Variants in REELD1 observed in about 807,000 individuals in gnomAD.
The protein encoded by REELD1 is reelin domain-containing protein 1.
REELD1 carries 12 observed loss-of-function variants against 6.3 expected under a neutral mutation model. The observed-to-expected ratio is 1.89, with a 90% CI of 1.21 to 3.07. The LOEUF is 3.07. REELD1 is among the 30% of genes most tolerant of loss of function. The pLI is 0.00. For missense variants in REELD1, 163 were observed against 86.8 expected (o/e 1.88, Z -3.49); for synonymous variants, 57 against 33.6 (o/e 1.70, Z -2.42).
At chr4:146,221,340 A>G (rs1384543249) in intron 3 of REELD1, among the ~76,000 whole-genome samples, 2 of 152,186 alleles carry the variant, frequency 1.3e-5, no homozygotes, top group Non-Finnish European at 2.9e-5. Flanking sequence ...CTATGTTTTC[A>G]GGGCTAACTG....
intron 3 of REELD1, among the ~76,000 whole-genome samples, chr4:146,217,966 A>G (rs1474244006): frequency 6.6e-6 from 1 of 152,244 alleles, no homozygotes; most frequent in Non-Finnish European, 1.5e-5. Context: ...TGAAAAAATC[A>G]TTTCCTGTTC....
rs1282685042 is a variant in REELD1, at chr4:146,230,610, G to T, written c.*97G>T. Reference sequence around the variant, plus strand: ...AATGAGAATAACTGATGAAGACAGGGACTCATTGTGCCTCTGTCAATGTGC... The same window carrying T: ...AATGAGAATAACTGATGAAGACAGGTACTCATTGTGCCTCTGTCAATGTGC... On this transcript the variant is annotated 3_prime_UTR_variant, in exon 8 of 8. Transcript: ENST00000623665. The T allele has an allele frequency of 5.0e-6, 2 of 397,406 alleles. No individual in the cohort carries two copies. The highest frequency in any genetic ancestry group is 8.9e-6 in the Non-Finnish European group (2 of 225,916). The allele number at this position is 397,406 out of a possible 1,614,324, so 24.6% of individuals were successfully genotyped here.
intron 3 of REELD1, among the ~76,000 whole-genome samples, chr4:146,221,066 A>G (rs1730914605): frequency 6.6e-6 from 1 of 152,224 alleles, no homozygotes; most frequent in Non-Finnish European, 1.5e-5. Flanking sequence ...TTATAAACAT[A>G]TATCATAAAC....
intron 4 of REELD1, among the ~76,000 whole-genome samples, chr4:146,223,942 G>A (rs978899799): frequency 1.3e-5 from 2 of 152,216 alleles, no homozygotes; most frequent in Non-Finnish European, 2.9e-5. Flanking sequence ...TTGTGAATGT[G>A]ATTTTTACTG....
intron 3 of REELD1, among the ~76,000 whole-genome samples, chr4:146,221,487 G>A (rs1578698279): frequency 6.6e-6 from 1 of 152,172 alleles, no homozygotes; most frequent in East Asian, 1.9e-4. Flanking sequence ...GTCTTATCAA[G>A]ACTGCTTACA....
Position 146,231,684 on chromosome 4 carries a change from A to G in REELD1, c.*1171A>G, listed in dbSNP as rs1731134046. Among the ~76,000 whole-genome samples, 1 of 152,246 alleles carries G rather than the reference A, an allele frequency of 6.6e-6. No individual in the cohort carries two copies. Among genetic ancestry groups the G allele is most frequent in the Non-Finnish European group, 1.5e-5 (1 of 68,054 alleles). On this transcript the variant is annotated 3_prime_UTR_variant, in exon 8 of 8. Transcript: ENST00000623665. ...GGGAACTGTGCTAAGTAGTTTGCGTATATCTTCACATTTAACTCTCACAAA... is the reference window on the plus strand; with the variant it reads ...GGGAACTGTGCTAAGTAGTTTGCGTGTATCTTCACATTTAACTCTCACAAA...
rs560035766 is a variant in REELD1 at position 146,222,438 on chromosome 4, T to C, written c.290T>C (p.Phe97Ser). The C allele has an allele frequency of 2.5e-6, 1 of 398,662 alleles. No homozygotes were observed. The highest frequency in any genetic ancestry group is 2.1e-5 in the African/African-American group (1 of 48,762). 24.7% of individuals were successfully genotyped at this position (398,662 alleles called of 1,614,324 possible). A position where few individuals can be genotyped will look rare whatever the true frequency, so the allele number is the denominator to read the frequency against. ...TCCGATCATCAAATCGCTGGCACTT[T>C]CGTTCTCATTCCTCCTCATTCCAAA... is the stretch of plus-strand genomic sequence containing the variant. ...RVSDHQIAGT[F>S]VLIPPHSKLM... Residue 97 changes from phenylalanine to serine, a missense_variant, in exon 4 of 8, where the codon TTC becomes TCC. Phe to Ser is a radical substitution (Grantham distance 155). Coordinates refer to ENST00000623665, the MANE Select transcript of REELD1 (RefSeq NM_001354631.1).
chr4:146,223,765 T>C (rs1730967104), intron 4 of REELD1, among the ~76,000 whole-genome samples: 2 of 152,216 alleles, frequency 1.3e-5, no homozygotes, highest in South Asian at 2.1e-4. Context: ...AAACCGCATG[T>C]TGGGGGCCTG....
At chr4:146,228,151 C>T in intron 5 of REELD1, 59 bp from the exon 6 acceptor site, 1 of 662,964 alleles carries the variant, frequency 1.5e-6, no homozygotes, top group South Asian at 1.7e-5. Context: ...CTGTTTGTAA[C>T]AATCGATGCG....
In REELD1 at chr4:146,230,749, G is replaced by A. The variant is rs572748494; in HGVS notation, c.*236G>A. The A allele has an allele frequency of 7.4e-5, 25 of 338,770 alleles. No individual in the cohort carries two copies. The South Asian group carries it at 2.1e-3, about 29-fold the overall frequency. 21.0% of individuals were successfully genotyped at this position (338,770 alleles called of 1,614,324 possible). ...TCCTTCTTTCTTTTTGCAATTAGAC[G>A]TTCTGTTTGAAGACTTAAACTCAAC... On this transcript the variant is annotated 3_prime_UTR_variant, in exon 8 of 8. Coordinates refer to ENST00000623665, the MANE Select transcript of REELD1 (RefSeq NM_001354631.1).
chr4:146,221,690 C>A (rs1262862536), intron 3 of REELD1, among the ~76,000 whole-genome samples: 1 of 152,122 alleles, frequency 6.6e-6, no homozygotes, highest in Non-Finnish European at 1.5e-5. Context: ...GAAACCCTGT[C>A]TCTACTGAAA....
At chr4:146,218,575 A>G (rs1242510999) in intron 3 of REELD1, among the ~76,000 whole-genome samples, 4 of 152,224 alleles carry the variant, frequency 2.6e-5, no homozygotes, top group Admixed American at 2.0e-4. Context: ...GTGTGAAAAA[A>G]CATGGGTGGA....
intron 5 of REELD1, among the ~76,000 whole-genome samples, chr4:146,226,873 C>T (rs1055788287): frequency 4.6e-5 from 7 of 152,314 alleles, no homozygotes; most frequent in East Asian, 1.9e-4. Flanking sequence ...TGGGTTCAAA[C>T]GATTCTCCTG....
Position 146,228,432 on chromosome 4 carries a change from C to T in REELD1, c.818C>T (p.Pro273Leu), listed in dbSNP as rs190668793. The T allele has an allele frequency of 9.5e-5, 67 of 702,588 alleles. No individual in the cohort carries two copies. The highest frequency in any genetic ancestry group is 8.7e-4 in the African/African-American group (50 of 57,360). The allele number at this position is 702,588 out of a possible 1,614,324, so 43.5% of individuals were successfully genotyped here. A position where few individuals can be genotyped will look rare whatever the true frequency, so the allele number is the denominator to read the frequency against. Reference sequence around the variant, plus strand: ...GGGGACAGCAATCCCACCCTAGAGCCGTCCCTGGAGGTCCACAGGCTGGAG... The same window carrying T: ...GGGGACAGCAATCCCACCCTAGAGCTGTCCCTGGAGGTCCACAGGCTGGAG... ...PSGDSNPTLE[P>L]SLEVHRLERL... The change falls in exon 6 of 8, where the codon CCG becomes CTG. Residue 273 changes from proline (P) to leucine (L), a missense_variant. Pro to Leu is a moderately conservative substitution (Grantham distance 98). Transcript: ENST00000623665.
rs1731126590 is a variant in REELD1, at chr4:146,231,245, C to T, written c.*732C>T. ...CATCAGGTGTAAATGGATCTGAGAC[C>T]TCCCATCCATTTACACTTGATGGAA... On this transcript the variant is annotated 3_prime_UTR_variant, in exon 8 of 8. Transcript: ENST00000623665. Among the ~76,000 whole-genome samples, 1 of 152,220 alleles carries T rather than the reference C, an allele frequency of 6.6e-6. No individual in the cohort carries two copies. Among genetic ancestry groups the T allele is most frequent in the South Asian group, 2.1e-4 (1 of 4,832 alleles).
Position 146,217,988 on chromosome 4 carries a change from G to A in REELD1, c.208+828G>A, listed in dbSNP as rs190144142. 5.3e-5 allele frequency among the ~76,000 whole-genome samples: 8 copies of A among 152,244 alleles called. No individual in the cohort carries two copies. In the East Asian group the frequency reaches 1.2e-3, roughly 22 times the overall value. ...ATCATTTCCTGTTCTTTTAGTTTAGGTGCCTATAAAAGCAGGGAAAGAACG... is the reference window on the plus strand; with the variant it reads ...ATCATTTCCTGTTCTTTTAGTTTAGATGCCTATAAAAGCAGGGAAAGAACG... On this transcript the variant is annotated intron_variant, in intron 3 of 7. Transcript: ENST00000623665.
intron 5 of REELD1, 90 bp from the exon 6 acceptor site, chr4:146,228,120 G>T: frequency 1.6e-6 from 1 of 639,342 alleles, no homozygotes; most frequent in Non-Finnish European, 2.8e-6. Context: ...TAGAGTCACT[G>T]CTGTTTACCC....
At chr4:146,221,116 G>A (rs373096274) in intron 3 of REELD1, among the ~76,000 whole-genome samples, 7 of 152,272 alleles carry the variant, frequency 4.6e-5, no homozygotes, top group South Asian at 4.1e-4. Context: ...GGCATTAAGC[G>A]CATTCACATT....
chr4:146,226,432 A>T (rs28599686), intron 5 of REELD1, among the ~76,000 whole-genome samples: 14,999 of 152,210 alleles, frequency 0.099, 1,842 homozygotes, highest in African/African-American at 0.29. Context: ...TTTATAAACA[A>T]TAGAAATGTA....
Sources: gnomAD v4.1 joint callset for allele counts (sites outside exome capture counted in the v4.1 genomes callset) on GRCh38, gnomAD v4.1.1 for gene constraint, MANE v1.5 for transcripts, NCBI Gene and HGNC (gene_info 2026-07-23, HGNC 2026-07-21) for gene names.